The following NEO1 variants were observed in gnomAD, a reference collection of about 807,000 sequenced individuals.
NEO1 encodes the protein neogenin 1.
A neutral mutation model predicts 159.7 loss-of-function variants in NEO1; 63 were observed. The observed-to-expected ratio is 0.39, with a 90% CI of 0.32 to 0.49. NEO1 has a LOEUF of 0.49. NEO1 is among the 20% of genes least tolerant of loss of function. NEO1 has a pLI of 0.85. For missense variants in NEO1, 1,615 were observed against 1,831.0 expected, an observed-to-expected ratio of 0.88 and a Z score of 2.15; for synonymous variants, 633 against 662.0, an observed-to-expected ratio of 0.96 and a Z score of 0.67.
chr15:73,285,547 A>T (rs983592784), intron 23 of NEO1, among the ~76,000 whole-genome samples: 1 of 152,174 alleles, frequency 6.6e-6, no homozygotes, highest in African/African-American at 2.4e-5. Flanking sequence ...CTGCTTTGCA[A>T]GTATTCCATT....
At chr15:73,254,645 A>G (rs777488758) in intron 12 of NEO1, 37 bp from the exon 13 acceptor site, 8 of 1,538,754 alleles carry the variant, frequency 5.2e-6, no homozygotes, top group South Asian at 1.3e-5. Flanking sequence ...AGCTTTTGAT[A>G]TATTCAGCCT....
At chr15:73,110,078 T>C (rs1368501586) in intron 1 of NEO1, among the ~76,000 whole-genome samples, 1 of 152,206 alleles carries the variant, frequency 6.6e-6, no homozygotes, top group African/African-American at 2.4e-5. Context: ...TTTAATTTTC[T>C]AATTTTCTAA....
At position 73,175,485 on chromosome 15, in the gene NEO1, A is replaced by G. The variant is rs1043363413; in HGVS notation, c.1016-918A>G. Among the ~76,000 whole-genome samples, 7 of 152,242 alleles carry G rather than the reference A, an allele frequency of 4.6e-5. No individual in the cohort carries two copies. The South Asian group carries it at 6.2e-4, about 14-fold the overall frequency. ...CAGGGAAAAGAAGACAATATTTTTA[A>G]GACGTCAAGTTGCCACAAATTCAAC... is the stretch of plus-strand genomic sequence containing the variant. On this transcript the variant is annotated intron_variant, in intron 5 of 28. Transcript: ENST00000261908.
At position 73,160,038 on chromosome 15, in the gene NEO1, A is replaced by T. The variant is rs143247305; in HGVS notation, c.1016-16365A>T. On this transcript the variant is annotated intron_variant, in intron 5 of 28. Transcript: ENST00000261908. ...ATCTTTTACTCAGTTTTTATTTGTA[A>T]TTTTTTTCTTATTAATTTGTTGGAA... 7.6e-4 allele frequency among the ~76,000 whole-genome samples: 115 copies of T among 151,742 alleles called. 1 individual carries two copies. Among genetic ancestry groups the T allele is most frequent in the African/African-American group, 2.7e-3 (111 of 41,362 alleles).
rs1567704022 is a variant in NEO1, at chr15:73,288,536, C to T, written c.3634C>T (p.Arg1212Ter). The T allele has an allele frequency of 1.2e-6, 2 of 1,613,368 alleles. No individual in the cohort carries two copies. Among genetic ancestry groups the T allele is most frequent in the Non-Finnish European group, 1.7e-6 (2 of 1,179,390 alleles). ...NSMDSNIHQR[R>*]NSYRGHESED... Reference sequence around the variant, plus strand: ...CATGGACAGCAATATCCATCAAAGGCGAAATTCATACAGAGGTACCATTTT... The same window carrying T: ...CATGGACAGCAATATCCATCAAAGGTGAAATTCATACAGAGGTACCATTTT... Residue 1212 changes from arginine to a stop codon, truncating the protein, a stop_gained, in exon 24 of 29, where the codon CGA becomes TGA. Coordinates refer to ENST00000261908, the MANE Select transcript of NEO1 (RefSeq NM_002499.4). LOFTEE classifies it high-confidence loss of function.
chr15:73,277,755 C>T (rs2041484211), intron 21 of NEO1, among the ~76,000 whole-genome samples: 1 of 152,280 alleles, frequency 6.6e-6, no homozygotes, highest in South Asian at 2.1e-4. Context: ...TAGACATTAA[C>T]CTAATTAGTC....
rs906332459 is a variant in NEO1, at chr15:73,217,461, G to C, written c.1292-18886G>C. ...CTTTAAAGTAGTTTTTTCCAATTCT[G>C]TGAAGAAAGTCATTGGTAGCTTGAT... On this transcript the variant is annotated intron_variant, in intron 7 of 28. Transcript: ENST00000261908. 6.5e-4 allele frequency among the ~76,000 whole-genome samples: 98 copies of C among 151,664 alleles called. No homozygotes were observed. The Middle Eastern group carries it at 0.01, about 16-fold the overall frequency.
intron 9 of NEO1, among the ~76,000 whole-genome samples, chr15:73,247,395 T>C (rs1181161665): frequency 1.3e-5 from 2 of 152,236 alleles, no homozygotes; most frequent in Non-Finnish European, 1.5e-5. Flanking sequence ...AATGAATATA[T>C]TGAAAATGAT....
At chr15:73,168,892 T>G (rs2151922308) in intron 5 of NEO1, among the ~76,000 whole-genome samples, 1 of 152,114 alleles carries the variant, frequency 6.6e-6, no homozygotes, top group East Asian at 1.9e-4. Context: ...TTGGGTTTTT[T>G]TTTTTAAACG....
At chr15:73,264,843 C>A (rs1273998880) in intron 15 of NEO1, among the ~76,000 whole-genome samples, 1 of 152,198 alleles carries the variant, frequency 6.6e-6, no homozygotes, top group Non-Finnish European at 1.5e-5. Context: ...TAAACACTTA[C>A]AATGTCCCAG....
At chr15:73,099,440 C>G (rs1010424052) in intron 1 of NEO1, among the ~76,000 whole-genome samples, 1 of 152,094 alleles carries the variant, frequency 6.6e-6, no homozygotes, top group Admixed American at 6.5e-5. Context: ...CAGGATTTTT[C>G]TAACACATCT....
rs35179965 is a variant in NEO1 at position 73,066,320 on chromosome 15, CTTTTTTTTTTT to C, written c.130+13527_130+13537del. ...AGGCTTGAGCCACCGCACCTGGCCT[CTTTTTTTTTTT>C]TTTTTTTTTTTAAATAGTTTGCAGG... On this transcript the variant is annotated intron_variant, in intron 1 of 28. Coordinates refer to ENST00000261908, the MANE Select transcript of NEO1 (RefSeq NM_002499.4). 2.7e-5 allele frequency among the ~76,000 whole-genome samples: 3 copies of C among 110,230 alleles called. No individual in the cohort carries two copies. The Admixed American group carries it at 2.8e-4, about 10-fold the overall frequency. 72.3% of individuals were successfully genotyped at this position (110,230 alleles called of 152,430 possible).
intron 1 of NEO1, among the ~76,000 whole-genome samples, chr15:73,100,818 C>T (rs2070363055): frequency 1.3e-5 from 2 of 152,190 alleles, no homozygotes; most frequent in Admixed American, 6.5e-5. Context: ...TTCTGTTTTG[C>T]CTCTTTAGTG....
chr15:73,060,746 C>G (rs1351257386), intron 1 of NEO1, among the ~76,000 whole-genome samples: 1 of 151,462 alleles, frequency 6.6e-6, no homozygotes, highest in Non-Finnish European at 1.5e-5. Context: ...CTTCCAGGCT[C>G]AGGTGATCCC....
chr15:73,259,212 C>G (rs1474462072), intron 14 of NEO1: 1 of 214,918 alleles, frequency 4.7e-6, no homozygotes, highest in Non-Finnish European at 9.5e-6. Flanking sequence ...ACTGCAGTTT[C>G]CCTTTTCTTT....
At chr15:73,187,500 C>T (rs1000235793) in intron 7 of NEO1, among the ~76,000 whole-genome samples, 3 of 152,094 alleles carry the variant, frequency 2.0e-5, no homozygotes, top group African/African-American at 4.8e-5. Flanking sequence ...CTGAAAGATA[C>T]GTATCATGTA....
At chr15:73,122,311 C>A (rs2071713971) in intron 2 of NEO1, among the ~76,000 whole-genome samples, 1 of 151,768 alleles carries the variant, frequency 6.6e-6, no homozygotes, top group Non-Finnish European at 1.5e-5. Context: ...TACCTTGCTT[C>A]TCTAACTGTG....
At chr15:73,301,533 G>A (rs2042614141) in intron 28 of NEO1, 76 bp downstream of exon 28, 1 of 1,595,418 alleles carries the variant, frequency 6.3e-7, no homozygotes, top group Non-Finnish European at 8.6e-7. Context: ...TGGTCAAGCT[G>A]ATAATCTGTG....
chr15:73,243,929 A>G (rs1195049418), intron 8 of NEO1, among the ~76,000 whole-genome samples: 2 of 152,208 alleles, frequency 1.3e-5, no homozygotes, highest in Non-Finnish European at 2.9e-5. Flanking sequence ...TAGCCAAAAT[A>G]TACACAGCAT....
Sources: gnomAD v4.1 joint callset for allele counts (sites outside exome capture counted in the v4.1 genomes callset) on GRCh38, gnomAD v4.1.1 for gene constraint, MANE v1.5 for transcripts, NCBI Gene and HGNC (gene_info 2026-07-23, HGNC 2026-07-21) for gene names.